Variants in PDE3B observed in about 807,000 individuals in gnomAD.
PDE3B encodes the protein phosphodiesterase 3B, also known as cGMP-inhibited 3',5'-cyclic phosphodiesterase 3B.
In PDE3B, 66 loss-of-function variants were observed where a neutral mutation model predicts 116.8. The ratio of observed to expected loss-of-function variants is 0.56; its 90% confidence interval spans 0.46 to 0.69. The LOEUF is 0.69. Among genes scored for constraint, PDE3B ranks in the 30% least tolerant of loss-of-function variants. The probability of loss-of-function intolerance (pLI) is 0.00; values close to 1 mark genes in which losing one functional copy is unlikely to be tolerated. For synonymous variants in PDE3B, 595 were observed against 533.6 expected (o/e 1.12, Z -1.59); for missense variants, 1,384 against 1,368.1 (o/e 1.01, Z -0.18).
rs564218442 is a variant in PDE3B at position 14,760,761 on chromosome 11, A to G, written c.979-11176A>G. Among the ~76,000 whole-genome samples, 26 of 152,292 alleles carry G rather than the reference A, an allele frequency of 1.7e-4. 1 individual carries two copies. In the South Asian group the frequency reaches 3.9e-3, roughly 23 times the overall value. On this transcript the variant is annotated intron_variant, in intron 1 of 15. Transcript: ENST00000282096. ...AAAGTAACCACTGTTCTCAGTGTGT[A>G]TACATATTCTTTTGGAACATTAAAA... is the stretch of plus-strand genomic sequence containing the variant.
chr11:14,684,214 G>T (rs942464799), intron 1 of PDE3B, among the ~76,000 whole-genome samples: 7 of 152,158 alleles, frequency 4.6e-5, no homozygotes, highest in East Asian at 1.9e-4. Context: ...TTTCAACGTA[G>T]GTTCTTTATA....
the PDE3B span, chr11:14,890,414 T>C: frequency 9.6e-5 from 92 of 960,624 alleles, no homozygotes; most frequent in Admixed American, 1.1e-3. Context: ...GAAAATAAGA[T>C]CTAAGAATTA....
intron 1 of PDE3B, among the ~76,000 whole-genome samples, chr11:14,661,055 C>T (rs905715332): frequency 3.3e-5 from 5 of 152,186 alleles, no homozygotes; most frequent in Non-Finnish European, 5.9e-5. Flanking sequence ...AATAGGAACA[C>T]TTTTACACTG....
At chr11:14,885,160 T>C in the PDE3B span, among the ~76,000 whole-genome samples, 2 of 152,202 alleles carry the variant, frequency 1.3e-5, no homozygotes, top group African/African-American at 2.4e-5. Flanking sequence ...TAAAAATTCT[T>C]ATACTATTAA....
At chr11:14,659,177 C>T (rs557508120) in intron 1 of PDE3B, among the ~76,000 whole-genome samples, 31 of 152,224 alleles carry the variant, frequency 2.0e-4, no homozygotes, top group African/African-American at 7.0e-4. Context: ...GAAACTAATG[C>T]AGGACATTGT....
intron 14 of PDE3B, among the ~76,000 whole-genome samples, chr11:14,861,622 TAGC>T (rs1847952093): frequency 6.6e-6 from 1 of 152,180 alleles, no homozygotes; most frequent in Non-Finnish European, 1.5e-5. Flanking sequence ...GTAAGGCTGT[TAGC>T]AGCCGCAAAT....
intron 11 of PDE3B, among the ~76,000 whole-genome samples, chr11:14,838,054 G>T (rs988047053): frequency 1.3e-5 from 2 of 151,568 alleles, no homozygotes; most frequent in Admixed American, 6.6e-5. Flanking sequence ...TCTCGGCTCA[G>T]TGCAAGCGCC....
At chr11:14,750,418 T>C (rs1363150929) in intron 1 of PDE3B, among the ~76,000 whole-genome samples, 1 of 152,138 alleles carries the variant, frequency 6.6e-6, no homozygotes, top group Non-Finnish European at 1.5e-5. Flanking sequence ...CAGACCACTA[T>C]AGCAAAACTG....
At chr11:14,751,203 C>G (rs1857048575) in intron 1 of PDE3B, among the ~76,000 whole-genome samples, 1 of 152,052 alleles carries the variant, frequency 6.6e-6, no homozygotes, top group Admixed American at 6.6e-5. Context: ...TAATTTATGT[C>G]ATTTATAGTA....
intron 1 of PDE3B, among the ~76,000 whole-genome samples, chr11:14,718,089 A>G (rs1431852936): frequency 1.3e-5 from 2 of 149,250 alleles, no homozygotes; most frequent in Non-Finnish European, 1.5e-5. Flanking sequence ...TACCAAGCCA[A>G]TGGAAAACAA....
chr11:14,706,984 T>G (rs1855552924), intron 1 of PDE3B, among the ~76,000 whole-genome samples: 1 of 151,932 alleles, frequency 6.6e-6, no homozygotes, highest in African/African-American at 2.4e-5. Context: ...GCTGGGGATA[T>G]AACAGTGAAG....
Position 14,729,450 on chromosome 11 carries a change from A to G in PDE3B, c.979-42487A>G, listed in dbSNP as rs143355145. On this transcript the variant is annotated intron_variant, in intron 1 of 15. Coordinates refer to ENST00000282096, the MANE Select transcript of PDE3B (RefSeq NM_000922.4). ...TGCAGTTTCTCAAATTTCTTCAATG[A>G]GATGCTTTGCTTTTGTGAAAATAAG... Among the ~76,000 whole-genome samples the G allele has an allele frequency of 5.4e-4, 82 of 152,320 alleles. 1 individual carries two copies. The highest frequency in any genetic ancestry group is 1.9e-3 in the African/African-American group (77 of 41,562).
At chr11:14,666,037 A>G (rs908589769) in intron 1 of PDE3B, among the ~76,000 whole-genome samples, 3 of 152,136 alleles carry the variant, frequency 2.0e-5, no homozygotes, top group African/African-American at 7.2e-5. Flanking sequence ...AAACTATACT[A>G]CAAGGCTACA....
the PDE3B span, chr11:14,880,249 G>A: frequency 6.2e-7 from 1 of 1,612,962 alleles, no homozygotes; most frequent in South Asian, 1.1e-5. Flanking sequence ...GTTTTCTTTG[G>A]AGAAAGTAGA....
chr11:14,658,258 A>T (rs1445151592), intron 1 of PDE3B, among the ~76,000 whole-genome samples: 1 of 152,244 alleles, frequency 6.6e-6, no homozygotes, highest in Admixed American at 6.5e-5. Flanking sequence ...AAGCCATAGG[A>T]TTGAGAAAAA....
At chr11:14,876,206 A>G (rs1407555396), downstream of PDE3B, among the ~76,000 whole-genome samples, 1 of 152,124 alleles carries the variant, frequency 6.6e-6, no homozygotes, top group Non-Finnish European at 1.5e-5. Context: ...AGCAACTTGA[A>G]TATGTTTGTC....
At chr11:14,896,855 A>G in the PDE3B span, among the ~76,000 whole-genome samples, 1 of 152,250 alleles carries the variant, frequency 6.6e-6, no homozygotes, top group African/African-American at 2.4e-5. Flanking sequence ...ACATTCTTAT[A>G]TTGTGCTTCT....
At chr11:14,695,977 G>C (rs552367360) in intron 1 of PDE3B, among the ~76,000 whole-genome samples, 1 of 152,082 alleles carries the variant, frequency 6.6e-6, no homozygotes, top group East Asian at 1.9e-4. Context: ...GTGAACATAT[G>C]TGTGCATGTA....
At chr11:14,718,030 C>T (rs1590086161) in intron 1 of PDE3B, among the ~76,000 whole-genome samples, 1 of 150,576 alleles carries the variant, frequency 6.6e-6, no homozygotes, top group East Asian at 1.9e-4. Flanking sequence ...AAACCCATCT[C>T]ATGTGCAGAG....
Sources: gnomAD v4.1 joint callset for allele counts (sites outside exome capture counted in the v4.1 genomes callset) on GRCh38, gnomAD v4.1.1 for gene constraint, MANE v1.5 for transcripts, NCBI Gene and HGNC (gene_info 2026-07-23, HGNC 2026-07-21) for gene names.